PDE4B: variants seen among roughly 807,000 people sequenced by gnomAD.
PDE4B encodes 3',5'-cyclic-AMP phosphodiesterase 4B.
PDE4B carries 20 observed loss-of-function variants against 82.2 expected under a neutral mutation model. The ratio of observed to expected loss-of-function variants is 0.24; its 90% confidence interval spans 0.17 to 0.35. The LOEUF is 0.35. PDE4B is among the 10% of genes least tolerant of loss of function. PDE4B has a pLI of 1.00. For synonymous variants in PDE4B, 320 were observed against 318.9 expected, an observed-to-expected ratio of 1.00 and a Z score of -0.04; for missense variants, 655 against 907.2, an observed-to-expected ratio of 0.72 and a Z score of 3.57.
At chr1:65,823,401 A>C (rs1292199370) in intron 1 of PDE4B, among the ~76,000 whole-genome samples, 1 of 150,854 alleles carries the variant, frequency 6.6e-6, no homozygotes, top group East Asian at 1.9e-4. Flanking sequence ...ATCTCTAAAA[A>C]AAAAAAAAAA....
intron 3 of PDE4B, among the ~76,000 whole-genome samples, chr1:66,178,480 C>A (rs946370651): frequency 4.6e-5 from 7 of 152,026 alleles, no homozygotes; most frequent in Non-Finnish European, 1.0e-4. Flanking sequence ...TTGCTAATGG[C>A]AGTGATTTTA....
intron 3 of PDE4B, among the ~76,000 whole-genome samples, chr1:66,051,129 A>G (rs1357007926): frequency 6.6e-6 from 1 of 152,082 alleles, no homozygotes; most frequent in Non-Finnish European, 1.5e-5. Context: ...TGTATCCTGA[A>G]GTCTCTCTTA....
chr1:66,153,591 G>T (rs1477281994), intron 3 of PDE4B, among the ~76,000 whole-genome samples: 1 of 152,096 alleles, frequency 6.6e-6, no homozygotes. Context: ...GCCCTGTGCT[G>T]TGCTAGCTTC....
At chr1:65,959,688 T>A (rs1478579070) in intron 3 of PDE4B, among the ~76,000 whole-genome samples, 1 of 152,132 alleles carries the variant, frequency 6.6e-6, no homozygotes, top group East Asian at 1.9e-4. Flanking sequence ...AAGCTTGGGT[T>A]GGCTAACTCA....
chr1:65,886,784 AG>A (rs1185968199), intron 1 of PDE4B, among the ~76,000 whole-genome samples: 2 of 152,146 alleles, frequency 1.3e-5, no homozygotes, highest in African/African-American at 4.8e-5. Flanking sequence ...TGTTTATAGA[AG>A]CTTAGGTGGA....
At position 65,933,921 on chromosome 1, in the gene PDE4B, G is replaced by A. The variant is rs1427344974; in HGVS notation, c.281+15086G>A. Among the ~76,000 whole-genome samples the A allele has an allele frequency of 4.6e-5, 7 of 152,280 alleles. No individual in the cohort carries two copies. The South Asian group carries it at 1.2e-3, about 27-fold the overall frequency. ...TATCTGTAATTAAATATTATTTAAA[G>A]GGATATGGAATATAGAGAGATGTGA... On this transcript the variant is annotated intron_variant, in intron 3 of 16. Transcript: ENST00000341517.
chr1:65,796,443 G>A (rs1645632473), intron 1 of PDE4B, among the ~76,000 whole-genome samples: 1 of 151,862 alleles, frequency 6.6e-6, no homozygotes, highest in African/African-American at 2.4e-5. Flanking sequence ...TGTTCAAATA[G>A]AAAACATTCA....
At chr1:66,285,709 A>G (rs908371831) in intron 7 of PDE4B, among the ~76,000 whole-genome samples, 8 of 151,970 alleles carry the variant, frequency 5.3e-5, no homozygotes, top group Non-Finnish European at 1.2e-4. Flanking sequence ...ATTCCATGGT[A>G]TATATATCTT....
At chr1:66,085,031 C>G (rs1031707561) in intron 3 of PDE4B, among the ~76,000 whole-genome samples, 1 of 152,058 alleles carries the variant, frequency 6.6e-6, no homozygotes, top group Non-Finnish European at 1.5e-5. Flanking sequence ...CCAAGTATCA[C>G]GATTAGTAAG....
At chr1:65,878,129 A>G (rs1195540423) in intron 1 of PDE4B, among the ~76,000 whole-genome samples, 1 of 152,240 alleles carries the variant, frequency 6.6e-6, no homozygotes, top group Non-Finnish European at 1.5e-5. Flanking sequence ...AAACATGAAA[A>G]AAGCTCATTA....
rs190101321 is a variant in PDE4B, at chr1:66,354,674, G to A, written c.748-853G>A. The stretch of plus-strand genomic sequence containing the variant: ...TTGCAAGAATGGAGTGCGAAGATGG[G>A]CTTTGTTTGGCTTAGGAAATGCCAT... On this transcript the variant is annotated intron_variant, in intron 8 of 16. Coordinates refer to ENST00000341517, the MANE Select transcript of PDE4B (RefSeq NM_002600.4). 2.1e-6 allele frequency: 3 copies of A among 1,407,728 alleles called. No homozygotes were observed. In the East Asian group the frequency reaches 7.7e-5, roughly 36 times the overall value. The allele number at this position is 1,407,728 out of a possible 1,614,324, so 87.2% of individuals were successfully genotyped here. A position where few individuals can be genotyped will look rare whatever the true frequency, so the allele number is the denominator to read the frequency against.
At chr1:65,828,598 A>AAAAT (rs1646046099) in intron 1 of PDE4B, among the ~76,000 whole-genome samples, 1 of 152,100 alleles carries the variant, frequency 6.6e-6, no homozygotes, top group African/African-American at 2.4e-5. Flanking sequence ...CAAAATTGTA[A>AAAAT]AAATATATAT....
intron 3 of PDE4B, among the ~76,000 whole-genome samples, chr1:65,933,330 A>C (rs1052291781): frequency 6.6e-6 from 1 of 152,120 alleles, no homozygotes; most frequent in Non-Finnish European, 1.5e-5. Flanking sequence ...TAAAAAAAAA[A>C]AACCTGCCAA....
chr1:66,211,738 C>T (rs537537043), intron 3 of PDE4B, among the ~76,000 whole-genome samples: 25 of 152,158 alleles, frequency 1.6e-4, no homozygotes, highest in Non-Finnish European at 3.1e-4. Flanking sequence ...ACCAAGTTTG[C>T]GTAACTTTGA....
intron 3 of PDE4B, among the ~76,000 whole-genome samples, chr1:66,056,505 T>TATC (rs1557529313): frequency 1.9e-4 from 14 of 72,976 alleles, no homozygotes; most frequent in Non-Finnish European, 3.6e-4. Context: ...TCTATCTATC[T>TATC]ATCTATCTAT....
intron 3 of PDE4B, among the ~76,000 whole-genome samples, chr1:66,069,395 C>G (rs11803898): frequency 2.0e-5 from 3 of 152,030 alleles, no homozygotes; most frequent in African/African-American, 7.2e-5. Flanking sequence ...CAAAGCAAAT[C>G]TCAAATTGTC....
intron 1 of PDE4B, among the ~76,000 whole-genome samples, chr1:65,811,098 C>G (rs985556657): frequency 6.6e-6 from 1 of 152,160 alleles, no homozygotes; most frequent in East Asian, 1.9e-4. Flanking sequence ...CAGACATTAT[C>G]AAATATCTTT....
intron 7 of PDE4B, among the ~76,000 whole-genome samples, chr1:66,295,788 A>C (rs1019162607): frequency 1.3e-5 from 2 of 152,192 alleles, no homozygotes; most frequent in Non-Finnish European, 2.9e-5. Flanking sequence ...TTCACAGCTC[A>C]GTAGTAGATT....
chr1:65,955,411 A>G (rs1478394322), intron 3 of PDE4B, among the ~76,000 whole-genome samples: 2 of 152,144 alleles, frequency 1.3e-5, no homozygotes, highest in Non-Finnish European at 2.9e-5. Context: ...ACCCATAGAA[A>G]TGTGTCTTTC....
Sources: allele counts gnomAD v4.1 joint callset (sites outside exome capture counted in the v4.1 genomes callset), GRCh38; gene constraint gnomAD v4.1.1; transcripts MANE v1.5; gene names NCBI Gene and HGNC (gene_info 2026-07-23, HGNC 2026-07-21).